GNAZ: variants seen among roughly 807,000 people sequenced by gnomAD.
GNAZ encodes G protein subunit alpha z, also known as guanine nucleotide-binding protein G(z) subunit alpha.
A neutral mutation model predicts 25.4 loss-of-function variants in GNAZ; 3 were observed. The ratio of observed to expected loss-of-function variants is 0.12; its 90% CI spans 0.05 to 0.30. The LOEUF is 0.30. Among genes scored for constraint, GNAZ ranks in the 10% least tolerant of loss-of-function variants. The pLI, the probability that GNAZ is intolerant of heterozygous loss-of-function variation, is 1.00. For missense variants in GNAZ, 241 were observed against 501.8 expected (o/e 0.48, Z 4.97); for synonymous variants, 211 against 205.7 (o/e 1.03, Z -0.22).
intron 2 of GNAZ, among the ~76,000 whole-genome samples, chr22:23,102,095 C>T (rs574531197): frequency 1.2e-4 from 18 of 152,250 alleles, no homozygotes; most frequent in Non-Finnish European, 2.4e-4. Context: ...ACAGCCCCTG[C>T]CATCCCTTCA....
chr22:23,096,578 G>T (rs1690790831), intron 2 of GNAZ, among the ~76,000 whole-genome samples, 160 bp downstream of exon 2: 1 of 152,210 alleles, frequency 6.6e-6, no homozygotes, highest in African/African-American at 2.4e-5. Flanking sequence ...GCAAGGTGGG[G>T]GCAGAGGGAA....
rs1009484773 is a variant in GNAZ, at chr22:23,124,131, A to T, written c.*700A>T. ...TTCAAACTAGGCCAGCTGGGATTCC[A>T]GCTTTTCTTCTACTAGTCTGATGTT... On this transcript the variant is annotated 3_prime_UTR_variant, in exon 3 of 3. Coordinates refer to ENST00000615612, the MANE Select transcript of GNAZ (RefSeq NM_002073.4). The T allele has an allele frequency of 1.4e-5, 3 of 210,092 alleles. No homozygotes were observed. The highest frequency in any genetic ancestry group is 7.2e-5 in the African/African-American group (3 of 41,938). The allele number at this position is 210,092 out of a possible 1,614,324, so 13.0% of individuals were successfully genotyped here. A position where few individuals can be genotyped will look rare whatever the true frequency, so the allele number is the denominator to read the frequency against.
intron 2 of GNAZ, among the ~76,000 whole-genome samples, chr22:23,110,811 A>G (rs1011543187): frequency 2.6e-4 from 39 of 151,734 alleles, no homozygotes; most frequent in Non-Finnish European, 5.4e-4. Flanking sequence ...GTTGTCATTG[A>G]CTCCTGAGAG....
intron 2 of GNAZ, among the ~76,000 whole-genome samples, chr22:23,103,433 C>T (rs1414591428): frequency 6.6e-6 from 1 of 152,158 alleles, no homozygotes; most frequent in Non-Finnish European, 1.5e-5. Flanking sequence ...TACTGAAGAA[C>T]CCGACAGTGT....
rs761943894 is a variant in GNAZ at position 23,095,940 on chromosome 22, C to T, written c.245C>T (p.Thr82Ile). 1 of 1,612,922 alleles carries T rather than the reference C, an allele frequency of 6.2e-7. No homozygotes were observed. The highest frequency in any genetic ancestry group is 1.1e-5 in the South Asian group (1 of 91,086). The change falls in exon 2 of 3, where the codon ACC (threonine) becomes ATC (isoleucine). Residue 82 changes from threonine (T) to isoleucine (I), a missense_variant. Transcript: ENST00000615612. Reference sequence around the variant, plus strand: ...ATCTACAATGCCATCGACTCGCTGACCCGCATCATCCGGGCCCTGGCCGCC... The same window carrying T: ...ATCTACAATGCCATCGACTCGCTGATCCGCATCATCCGGGCCCTGGCCGCC... The part of the protein sequence containing the change: ...LIIYNAIDSL[T>I]RIIRALAALR...
intron 1 of GNAZ, among the ~76,000 whole-genome samples, chr22:23,075,131 G>A (rs979085353): frequency 3.9e-5 from 6 of 152,292 alleles, no homozygotes; most frequent in African/African-American, 1.4e-4. Context: ...TGGGGATGTA[G>A]TGGCCCCTGT....
intron 1 of GNAZ, among the ~76,000 whole-genome samples, chr22:23,077,334 T>TC: frequency 6.6e-6 from 1 of 152,198 alleles, no homozygotes; most frequent in East Asian, 1.9e-4. Flanking sequence ...ATTTGATGCC[T>TC]CACTCCCTGT....
rs556673869 is a variant in GNAZ, at chr22:23,073,104, C to G, written c.-450+2534C>G. ...GGAAGGCAGCCCTGTGCTGTCTGTC[C>G]CACGCTAGCCTCAGAATACTTAAGA... On this transcript the variant is annotated intron_variant, in intron 1 of 2. Transcript: ENST00000615612. Among the ~76,000 whole-genome samples, 3 of 152,318 alleles carry G rather than the reference C, an allele frequency of 2.0e-5. No homozygotes were observed. In the South Asian group the frequency reaches 6.2e-4, roughly 32 times the overall value.
intron 1 of GNAZ, among the ~76,000 whole-genome samples, chr22:23,083,616 C>T (rs1282102441): frequency 6.6e-6 from 1 of 152,020 alleles, no homozygotes; most frequent in Non-Finnish European, 1.5e-5. Context: ...GCGGTGGGTA[C>T]CCTGGGGAAA....
intron 1 of GNAZ, among the ~76,000 whole-genome samples, chr22:23,080,920 T>A (rs1454398409): frequency 6.6e-6 from 1 of 152,216 alleles, no homozygotes; most frequent in African/African-American, 2.4e-5. Context: ...CAGTACAGGG[T>A]TGGCCCTCCA....
intron 2 of GNAZ, among the ~76,000 whole-genome samples, chr22:23,100,247 C>T (rs1243176739): frequency 6.6e-6 from 1 of 152,266 alleles, no homozygotes; most frequent in African/African-American, 2.4e-5. Context: ...AAAGCCTCTG[C>T]TACCAGGGAT....
At chr22:23,115,678 C>T (rs1337733032) in intron 2 of GNAZ, among the ~76,000 whole-genome samples, 1 of 152,200 alleles carries the variant, frequency 6.6e-6, no homozygotes, top group Non-Finnish European at 1.5e-5. Flanking sequence ...AGGCCCTGAG[C>T]ACTGCTGGCC....
At chr22:23,077,795 G>A (rs975619758) in intron 1 of GNAZ, among the ~76,000 whole-genome samples, 1 of 152,196 alleles carries the variant, frequency 6.6e-6, no homozygotes, top group Non-Finnish European at 1.5e-5. Context: ...GACTATGGGT[G>A]GGAGAACTTG....
At chr22:23,105,652 G>A (rs963556955) in intron 2 of GNAZ, among the ~76,000 whole-genome samples, 10 of 152,220 alleles carry the variant, frequency 6.6e-5, no homozygotes, top group African/African-American at 2.4e-4. Context: ...TGCTTTCTTC[G>A]CATGGTGATG....
chr22:23,093,358 C>T (rs1006679009), intron 1 of GNAZ, among the ~76,000 whole-genome samples: 3 of 152,214 alleles, frequency 2.0e-5, no homozygotes, highest in Non-Finnish European at 4.4e-5. Flanking sequence ...CTCCCTCCCT[C>T]CTTCCACCAA....
At chr22:23,094,800 TGA>T (rs1477827613) in intron 1 of GNAZ, among the ~76,000 whole-genome samples, 2 of 152,154 alleles carry the variant, frequency 1.3e-5, no homozygotes, top group Non-Finnish European at 2.9e-5. Context: ...GCGGGGGTAA[TGA>T]GAGTCAGGGA....
intron 2 of GNAZ, among the ~76,000 whole-genome samples, chr22:23,115,315 G>T (rs755856684): frequency 6.6e-5 from 10 of 152,204 alleles, no homozygotes; most frequent in Non-Finnish European, 1.3e-4. Context: ...GCCTGAGTAG[G>T]TGTTTGCATG....
rs372426854 is a variant in GNAZ at position 23,102,544 on chromosome 22, AGG to A, written c.723+6127_723+6128del. On this transcript the variant is annotated intron_variant, in intron 2 of 2. Transcript: ENST00000615612. ...TTGCCCTGGGTAGGTCCTTGGTCAGAGGTCAGCCACAAGGCAAGAGGCGGCAG... is the reference window on the plus strand; with the variant it reads ...TTGCCCTGGGTAGGTCCTTGGTCAGATCAGCCACAAGGCAAGAGGCGGCAG... 5.3e-3 allele frequency among the ~76,000 whole-genome samples: 801 copies of A among 152,264 alleles called. 9 individuals carry two copies. Among genetic ancestry groups the A allele is most frequent in the African/African-American group, 0.017 (717 of 41,558 alleles).
At chr22:23,119,852 A>G (rs1340932911) in intron 2 of GNAZ, among the ~76,000 whole-genome samples, 1 of 152,242 alleles carries the variant, frequency 6.6e-6, no homozygotes, top group East Asian at 1.9e-4. Flanking sequence ...GCGTCTACAC[A>G]GAGATTTTGT....
Sources: allele counts gnomAD v4.1 joint callset (sites outside exome capture counted in the v4.1 genomes callset), GRCh38; gene constraint gnomAD v4.1.1; transcripts MANE v1.5; gene names NCBI Gene and HGNC (gene_info 2026-07-23, HGNC 2026-07-21).